The following GPD2 variants were observed in gnomAD, a reference collection of about 807,000 sequenced individuals.
GPD2 encodes the protein glycerol-3-phosphate dehydrogenase, mitochondrial.
A neutral mutation model predicts 82.4 loss-of-function variants in GPD2; 54 were observed. The ratio of observed to expected loss-of-function variants is 0.66; its 90% CI spans 0.53 to 0.82. The LOEUF (loss-of-function observed/expected upper bound fraction) is 0.82, where lower values mean the gene tolerates loss of function less well. Among genes scored for constraint, GPD2 ranks in the 40% least tolerant of loss-of-function variants. The pLI, the probability that GPD2 is intolerant of heterozygous loss-of-function variation, is 0.00. For synonymous variants in GPD2, 288 were observed against 306.1 expected (o/e 0.94, Z 0.62); for missense variants, 748 against 896.2 (o/e 0.83, Z 2.11).
the GPD2 span, among the ~76,000 whole-genome samples, chr2:156,425,722 T>C: frequency 6.6e-6 from 1 of 152,100 alleles, no homozygotes. Flanking sequence ...GTGGCATGCT[T>C]TCTCCAATTT....
the GPD2 span, among the ~76,000 whole-genome samples, chr2:156,406,553 T>G: frequency 6.0e-5 from 9 of 149,892 alleles, 1 homozygote; most frequent in African/African-American, 2.2e-4. Context: ...CCAATTGCAT[T>G]TTTTCCTTTC....
chr2:156,553,462 C>G (rs1216544512), intron 8 of GPD2, among the ~76,000 whole-genome samples: 1 of 151,862 alleles, frequency 6.6e-6, no homozygotes, highest in Non-Finnish European at 1.5e-5. Context: ...AAACATGATT[C>G]TTCAACTTAC....
rs114966730 is a variant in GPD2, at chr2:156,438,288, A to G, written c.-9+1775A>G. Among the ~76,000 whole-genome samples the G allele has an allele frequency of 8.0e-3, 1,216 of 152,316 alleles. 4 individuals carry two copies. The highest frequency in any genetic ancestry group is 0.012 in the Non-Finnish European group (784 of 68,032). ...CAATTGTCTCATTGGCAAAATATGG[A>G]TAATAAATGCTATGACGTGTGTAAA... On this transcript the variant is annotated intron_variant, in intron 1 of 16. Transcript: ENST00000438166.
chr2:156,418,987 C>T, the GPD2 span, among the ~76,000 whole-genome samples: 2 of 150,196 alleles, frequency 1.3e-5, no homozygotes, highest in Non-Finnish European at 3.0e-5. Flanking sequence ...CAGGGAGGCC[C>T]GGCGGCTTCT....
chr2:156,519,021 T>C (rs1685298226), intron 6 of GPD2, among the ~76,000 whole-genome samples: 1 of 152,174 alleles, frequency 6.6e-6, no homozygotes, highest in African/African-American at 2.4e-5. Flanking sequence ...CACTAGGGTA[T>C]AGGAGGAACA....
chr2:156,493,924 G>GTA (rs1288300866), intron 2 of GPD2, among the ~76,000 whole-genome samples: 9 of 106,476 alleles, frequency 8.5e-5, no homozygotes, highest in East Asian at 2.8e-4. Context: ...TTATATATAT[G>GTA]TATGTGTGTG....
rs184147999 is a variant in GPD2 at position 156,455,385 on chromosome 2, C to T, written c.-9+18872C>T. Among the ~76,000 whole-genome samples, 126 of 152,340 alleles carry T rather than the reference C, an allele frequency of 8.3e-4. No homozygotes were observed. In the Middle Eastern group the frequency reaches 0.01, roughly 12 times the overall value. ...ATTGACTAGCACAGTCCTTATAACA[C>T]AGTATGTAGCCAAAGCATATGCTTA... On this transcript the variant is annotated intron_variant, in intron 1 of 16. Coordinates refer to ENST00000438166, the MANE Select transcript of GPD2 (RefSeq NM_000408.5).
chr2:156,437,401 T>C (rs1681978925), intron 1 of GPD2, among the ~76,000 whole-genome samples: 1 of 152,194 alleles, frequency 6.6e-6, no homozygotes, highest in Admixed American at 6.5e-5. Context: ...CAGGCACTTC[T>C]TCGTAGCTAC....
intron 13 of GPD2, among the ~76,000 whole-genome samples, chr2:156,575,836 G>T (rs1053041264): frequency 1.3e-5 from 2 of 152,162 alleles, no homozygotes; most frequent in African/African-American, 4.8e-5. Context: ...GACAGTGTTG[G>T]CCTCAGAAGA....
At position 156,569,014 on chromosome 2, in the gene GPD2, G is replaced by A. The variant is rs568366111; in HGVS notation, c.1300+55G>A. ...TCTTTTTTTTTTTTTTTTGTTATAG[G>A]GACAGGGTCTCACCATGTTGCCCAG... On this transcript the variant is annotated intron_variant, in intron 10 of 16. Transcript: ENST00000438166. The A allele has an allele frequency of 7.3e-6, 10 of 1,366,454 alleles. No individual in the cohort carries two copies. The African/African-American group carries it at 1.0e-4, about 14-fold the overall frequency. The allele number at this position is 1,366,454 out of a possible 1,614,324, so 84.6% of individuals were successfully genotyped here. A position where few individuals can be genotyped will look rare whatever the true frequency, so the allele number is the denominator to read the frequency against.
intron 1 of GPD2, among the ~76,000 whole-genome samples, chr2:156,471,002 T>G (rs552514340): frequency 6.6e-6 from 1 of 152,372 alleles, no homozygotes; most frequent in East Asian, 1.9e-4. Context: ...TCTGAGTAGA[T>G]GTTCCGTCAA....
chr2:156,490,026 C>T (rs1479697685), intron 2 of GPD2, among the ~76,000 whole-genome samples: 1 of 152,018 alleles, frequency 6.6e-6, no homozygotes, highest in African/African-American at 2.4e-5. Flanking sequence ...TCTCCTAGAA[C>T]CTCCAGATCA....
the GPD2 span, among the ~76,000 whole-genome samples, chr2:156,412,281 C>CA: frequency 9.9e-5 from 15 of 151,538 alleles, no homozygotes; most frequent in East Asian, 3.9e-4. Context: ...ACTAAGAATA[C>CA]AAAAAAAATT....
chr2:156,507,777 G>A lies in GPD2; in HGVS notation c.275-3019G>A, dbSNP rs567766800. On this transcript the variant is annotated intron_variant, in intron 3 of 16. Coordinates refer to ENST00000438166, the MANE Select transcript of GPD2 (RefSeq NM_000408.5). ...GGACAAGATCCAAATACCTGAATGT[G>A]TAAGAAGAGCCCTCTGAGATCTGCC... 2.0e-5 allele frequency among the ~76,000 whole-genome samples: 3 copies of A among 152,308 alleles called. No homozygotes were observed. The South Asian group carries it at 6.2e-4, about 32-fold the overall frequency.
intron 1 of GPD2, among the ~76,000 whole-genome samples, chr2:156,443,588 T>C (rs1682255167): frequency 6.6e-6 from 1 of 152,220 alleles, no homozygotes; most frequent in Non-Finnish European, 1.5e-5. Flanking sequence ...TTTTAATCTT[T>C]TTATTTTTAT....
At chr2:156,568,748 T>A (rs1687482614) in intron 9 of GPD2, 77 bp from the exon 10 acceptor site, 2 of 1,338,858 alleles carry the variant, frequency 1.5e-6, no homozygotes, top group South Asian at 1.2e-5. Flanking sequence ...CACCGAACTC[T>A]TTTTATTAAC....
At chr2:156,518,193 G>A (rs1226796108) in intron 6 of GPD2, among the ~76,000 whole-genome samples, 3 of 152,182 alleles carry the variant, frequency 2.0e-5, no homozygotes, top group Non-Finnish European at 2.9e-5. Flanking sequence ...TCGTGAGAGA[G>A]CAAAGCCAAT....
At chr2:156,410,255 G>A in the GPD2 span, among the ~76,000 whole-genome samples, 5 of 152,264 alleles carry the variant, frequency 3.3e-5, no homozygotes, top group East Asian at 9.6e-4. Flanking sequence ...ATCTGAATGA[G>A]TTTCTAGAAT....
chr2:156,573,176 G>A lies in GPD2; in HGVS notation c.1767+1884G>A, dbSNP rs139451788. 2.6e-3 allele frequency among the ~76,000 whole-genome samples: 392 copies of A among 152,270 alleles called. 3 individuals carry two copies. Among genetic ancestry groups the A allele is most frequent in the African/African-American group, 9.1e-3 (378 of 41,552 alleles). ...TTGATTTTAGGAGTTCCTTAATCCTGATCATGCCTCTGACAGGGATAAAAT... is the reference window on the plus strand; with the variant it reads ...TTGATTTTAGGAGTTCCTTAATCCTAATCATGCCTCTGACAGGGATAAAAT... On this transcript the variant is annotated intron_variant, in intron 13 of 16. Transcript: ENST00000438166.
Sources: allele counts gnomAD v4.1 joint callset (sites outside exome capture counted in the v4.1 genomes callset), GRCh38; gene constraint gnomAD v4.1.1; transcripts MANE v1.5; gene names NCBI Gene and HGNC (gene_info 2026-07-23, HGNC 2026-07-21).